The following HIP1 variants were observed in gnomAD, a reference collection of about 807,000 sequenced individuals.
HIP1 encodes huntingtin-interacting protein 1.
In HIP1, 65 loss-of-function variants were observed where a neutral mutation model predicts 147.6. The observed-to-expected ratio is 0.44, with a 90% CI of 0.36 to 0.54. The LOEUF is 0.54. Among genes scored for constraint, HIP1 ranks in the 20% least tolerant of loss-of-function variants. The pLI, the probability that HIP1 is intolerant of heterozygous loss-of-function variation, is 0.00. For missense variants in HIP1, 1,061 were observed against 1,299.6 expected (o/e 0.82, Z 2.82); for synonymous variants, 479 against 504.0 (o/e 0.95, Z 0.67).
chr7:75,708,144 A>G (rs1215542562), intron 1 of HIP1, among the ~76,000 whole-genome samples: 1 of 148,872 alleles, frequency 6.7e-6, no homozygotes, highest in Middle Eastern at 3.4e-3. Context: ...AAAAGAAACT[A>G]CCATATATCT....
intron 22 of HIP1, among the ~76,000 whole-genome samples, chr7:75,551,478 G>C (rs1190345574): frequency 6.6e-6 from 1 of 150,986 alleles, no homozygotes; most frequent in African/African-American, 2.4e-5. Context: ...GCCTCCCAAA[G>C]TGCTGGGATT....
At chr7:75,703,029 T>C (rs1554519320) in intron 1 of HIP1, among the ~76,000 whole-genome samples, 5 of 152,076 alleles carry the variant, frequency 3.3e-5, no homozygotes, top group South Asian at 2.1e-4. Context: ...TTAAGACTTC[T>C]GGTAGAGAAA....
intron 22 of HIP1, 141 bp from the exon 23 acceptor site, chr7:75,549,142 C>A: frequency 1.6e-6 from 1 of 610,584 alleles, no homozygotes; most frequent in Non-Finnish European, 2.9e-6. Flanking sequence ...GTGGGGGGGT[C>A]TTTTGCAGAC....
At chr7:75,665,911 C>A (rs1265381736) in intron 1 of HIP1, among the ~76,000 whole-genome samples, 1 of 152,030 alleles carries the variant, frequency 6.6e-6, no homozygotes, top group Non-Finnish European at 1.5e-5. Context: ...GGAAGCCTTC[C>A]TTTTATATGG....
intron 14 of HIP1, among the ~76,000 whole-genome samples, chr7:75,559,519 C>T (rs1795141375): frequency 6.6e-6 from 1 of 152,238 alleles, no homozygotes; most frequent in African/African-American, 2.4e-5. Flanking sequence ...TATTTCCCAT[C>T]TCTGTGCTCA....
At chr7:75,592,002 C>T in intron 4 of HIP1, 54 bp downstream of exon 4, 1 of 1,405,254 alleles carries the variant, frequency 7.1e-7, no homozygotes, top group Non-Finnish European at 1.0e-6. Flanking sequence ...GCTCTGTGGC[C>T]TCTGAGGAAG....
At chr7:75,637,727 C>G (rs1798476413) in intron 1 of HIP1, among the ~76,000 whole-genome samples, 2 of 151,408 alleles carry the variant, frequency 1.3e-5, no homozygotes, top group Non-Finnish European at 2.9e-5. Flanking sequence ...TCAAGCAGCC[C>G]CCAACCCCAG....
At chr7:75,578,869 G>A (rs1483892940) in intron 7 of HIP1, among the ~76,000 whole-genome samples, 1 of 151,738 alleles carries the variant, frequency 6.6e-6, no homozygotes, top group Non-Finnish European at 1.5e-5. Context: ...GGGCTGGAGT[G>A]CAGTGGTGTG....
At chr7:75,570,360 C>T (rs1584811360) in intron 8 of HIP1, among the ~76,000 whole-genome samples, 2 of 150,528 alleles carry the variant, frequency 1.3e-5, no homozygotes, top group African/African-American at 4.9e-5. Context: ...GGCACGATCT[C>T]GGCTCACTGC....
At chr7:75,696,126 G>A (rs577984104) in intron 1 of HIP1, among the ~76,000 whole-genome samples, 2 of 151,760 alleles carry the variant, frequency 1.3e-5, no homozygotes, top group Admixed American at 1.3e-4. Context: ...GAGTAGATGG[G>A]ACAGGTGTGA....
At chr7:75,539,483 A>ATTTT in intron 29 of HIP1, 52 bp from the exon 30 acceptor site, 1 of 1,380,264 alleles carries the variant, frequency 7.2e-7, no homozygotes, top group African/African-American at 1.5e-5. Context: ...CAGAGATTTA[A>ATTTT]TTTTTATTTA....
At chr7:75,606,697 G>A (rs1384578823) in intron 1 of HIP1, among the ~76,000 whole-genome samples, 2 of 152,156 alleles carry the variant, frequency 1.3e-5, no homozygotes, top group African/African-American at 4.8e-5. Flanking sequence ...AATGAGGCCA[G>A]GCGGCTCTTG....
chr7:75,710,142 C>T (rs1801127377), intron 1 of HIP1, among the ~76,000 whole-genome samples: 1 of 152,164 alleles, frequency 6.6e-6, no homozygotes, highest in African/African-American at 2.4e-5. Flanking sequence ...ACGTGATCCT[C>T]CGACCTTGGC....
rs1554523949 is a variant in HIP1 at position 75,738,790 on chromosome 7, C to A, written c.120+11G>T. ...GTGCCCCAGGGATGCCCCGGGGTCC[C>A]CCGTCCTCACCTGAGTCCGCTCGAA... On this transcript the variant is annotated intron_variant, in intron 1 of 30. Coordinates refer to ENST00000336926, the MANE Select transcript of HIP1 (RefSeq NM_005338.7). 1.2e-6 allele frequency: 2 copies of A among 1,600,504 alleles called. No homozygotes were observed. The highest frequency in any genetic ancestry group is 2.3e-5 in the East Asian group (1 of 43,714).
At chr7:75,662,066 A>AG (rs1799336448) in intron 1 of HIP1, among the ~76,000 whole-genome samples, 1 of 92,740 alleles carries the variant, frequency 1.1e-5, no homozygotes, top group Non-Finnish European at 2.1e-5. Context: ...GTGAGCCACA[A>AG]GGGGTGAAGG....
intron 8 of HIP1, among the ~76,000 whole-genome samples, chr7:75,573,062 G>A (rs1795706656): frequency 6.6e-6 from 1 of 152,176 alleles, no homozygotes; most frequent in Non-Finnish European, 1.5e-5. Flanking sequence ...GTGGGGGCCG[G>A]GCTGCCAATC....
At chr7:75,701,057 C>G (rs1554519148) in intron 1 of HIP1, among the ~76,000 whole-genome samples, 1 of 152,132 alleles carries the variant, frequency 6.6e-6, no homozygotes, top group South Asian at 2.1e-4. Flanking sequence ...GCTGTAGCCT[C>G]TCCGGATGGG....
intron 1 of HIP1, among the ~76,000 whole-genome samples, chr7:75,664,026 G>A (rs1267347592): frequency 4.9e-5 from 1 of 20,476 alleles, no homozygotes; most frequent in African/African-American, 4.7e-4. Flanking sequence ...ACACATATAT[G>A]TGTATATATA....
chr7:75,673,803 G>A (rs1799799457), intron 1 of HIP1, among the ~76,000 whole-genome samples: 1 of 124,148 alleles, frequency 8.1e-6, no homozygotes, highest in African/African-American at 3.3e-5. Context: ...GGGCAACATA[G>A]CAAAGCCCTA....
Sources: gnomAD v4.1 joint callset for allele counts (sites outside exome capture counted in the v4.1 genomes callset) on GRCh38, gnomAD v4.1.1 for gene constraint, MANE v1.5 for transcripts, NCBI Gene and HGNC (gene_info 2026-07-23, HGNC 2026-07-21) for gene names.